UGT1A5: variants seen among roughly 807,000 people sequenced by gnomAD.
UGT1A5 encodes the protein UDP-glucuronosyltransferase 1A5.
Under a neutral mutation model 40.3 loss-of-function variants are expected in UGT1A5, and 29 were observed. The ratio of observed to expected loss-of-function variants is 0.72; its 90% confidence interval spans 0.54 to 0.98. UGT1A5 has a LOEUF of 0.98. Among genes scored for constraint, UGT1A5 ranks in the 50% least tolerant of loss-of-function variants. UGT1A5 has a pLI of 0.00. For synonymous variants in UGT1A5, 257 were observed against 262.5 expected (o/e 0.98, Z 0.20); for missense variants, 678 against 677.9 (o/e 1.00, Z 0.00).
intron 1 of UGT1A5, among the ~76,000 whole-genome samples, chr2:233,724,169 C>CA (rs1420710950): frequency 7.9e-6 from 1 of 127,094 alleles, no homozygotes; most frequent in Admixed American, 7.4e-5. Flanking sequence ...GGCTGACCCC[C>CA]CCATCTCCCT....
At chr2:233,771,766 C>A (rs1025155606) in intron 4 of UGT1A5, among the ~76,000 whole-genome samples, 2 of 151,968 alleles carry the variant, frequency 1.3e-5, no homozygotes, top group Admixed American at 6.6e-5. Context: ...CTTCCTCCGT[C>A]CCTCTCTCCT....
chr2:233,751,170 A>T (rs1445268336), intron 1 of UGT1A5, among the ~76,000 whole-genome samples: 1 of 151,986 alleles, frequency 6.6e-6, no homozygotes. Flanking sequence ...CATGACCTAG[A>T]TATGAGACAT....
Position 233,769,697 on chromosome 2 carries a change from A to G in UGT1A5, c.1307+1258A>G. 6.5e-7 allele frequency: 1 copy of G among 1,535,580 alleles called. No individual in the cohort carries two copies. Among genetic ancestry groups the G allele is most frequent in the South Asian group, 1.2e-5 (1 of 80,726 alleles). On this transcript the variant is annotated intron_variant, in intron 4 of 4. Coordinates refer to ENST00000373414, the MANE Select transcript of UGT1A5 (RefSeq NM_019078.2). This position sits in a 1 kb window ranked among gnomAD's most constrained non-coding sequence, Gnocchi z 4.4. ...TGTGTGTGTGGTGGCACTGGATAAAAGATCAATGTTGGCTAGGCACCATGG... is the reference window on the plus strand; with the variant it reads ...TGTGTGTGTGGTGGCACTGGATAAAGGATCAATGTTGGCTAGGCACCATGG...
chr2:233,772,962 G>T lies in UGT1A5; in HGVS notation c.*403G>T, dbSNP rs1038101651. On this transcript the variant is annotated 3_prime_UTR_variant, in exon 5 of 5. Coordinates refer to ENST00000373414, the MANE Select transcript of UGT1A5 (RefSeq NM_019078.2). ...TTGGCTTCTGCAGATGGTTGCAATT[G>T]ATCCTTAACCAATAATGGTCAGTCC... 6.4e-6 allele frequency: 2 copies of T among 313,106 alleles called. No homozygotes were observed. Among genetic ancestry groups the T allele is most frequent in the Middle Eastern group, 1.1e-3 (1 of 878 alleles). 19.4% of individuals were successfully genotyped at this position (313,106 alleles called of 1,614,324 possible). A position where few individuals can be genotyped will look rare whatever the true frequency, so the allele number is the denominator to read the frequency against.
chr2:233,723,506 G>T (rs2077088839), intron 1 of UGT1A5, among the ~76,000 whole-genome samples: 1 of 130,702 alleles, frequency 7.7e-6, no homozygotes, highest in Non-Finnish European at 1.6e-5. Context: ...CACTGCACCT[G>T]GTCAACAATC....
chr2:233,737,327 G>A (rs1317799063), intron 1 of UGT1A5, among the ~76,000 whole-genome samples: 4 of 152,258 alleles, frequency 2.6e-5, no homozygotes, highest in African/African-American at 4.8e-5. Flanking sequence ...TGCACTAGCA[G>A]TGAGCAAGGC....
At chr2:233,751,848 C>A (rs1317042286) in intron 1 of UGT1A5, among the ~76,000 whole-genome samples, 1 of 152,136 alleles carries the variant, frequency 6.6e-6, no homozygotes, top group African/African-American at 2.4e-5. Context: ...GTCATTTAAA[C>A]CTTTGTCTTT....
chr2:233,719,744 T>C, intron 1 of UGT1A5: 2 of 1,612,994 alleles, frequency 1.2e-6, no homozygotes, highest in South Asian at 1.1e-5. Context: ...TTTTAAAAAA[T>C]GTATTTACTT....
chr2:233,755,496 C>G (rs1460614171), intron 1 of UGT1A5: 1 of 187,824 alleles, frequency 5.3e-6, no homozygotes, highest in African/African-American at 2.4e-5. Context: ...TGTGATGCTC[C>G]AAGACCAGGC....
At chr2:233,721,607 A>C (rs1233448854) in intron 1 of UGT1A5, 2 of 179,574 alleles carry the variant, frequency 1.1e-5, no homozygotes, top group Non-Finnish European at 1.2e-5. Flanking sequence ...GTTTAGGAAC[A>C]ATTTGTTCCT....
intron 1 of UGT1A5, chr2:233,739,067 G>A (rs1690974167): frequency 6.6e-6 from 1 of 152,282 alleles, no homozygotes. Context: ...TTCAGAGGGT[G>A]CAAACCTCAA....
chr2:233,755,203 A>G, intron 1 of UGT1A5: 1 of 1,097,556 alleles, frequency 9.1e-7, no homozygotes, highest in Non-Finnish European at 1.3e-6. Flanking sequence ...AGCTTGCGGT[A>G]CGCCTTCTTG....
chr2:233,761,925 G>C (rs1697902891), intron 1 of UGT1A5, among the ~76,000 whole-genome samples: 1 of 152,224 alleles, frequency 6.6e-6, no homozygotes, highest in Admixed American at 6.5e-5. Flanking sequence ...GGCAGCCCAG[G>C]CACTTCCCAG....
At chr2:233,739,640 A>G (rs1691162430) in intron 1 of UGT1A5, among the ~76,000 whole-genome samples, 1 of 152,122 alleles carries the variant, frequency 6.6e-6, no homozygotes, top group African/African-American at 2.4e-5. Context: ...GGGAACATTT[A>G]CCCAATTTCT....
chr2:233,759,541 C>A (rs1020987350), intron 1 of UGT1A5, among the ~76,000 whole-genome samples: 1 of 152,092 alleles, frequency 6.6e-6, no homozygotes, highest in Non-Finnish European at 1.5e-5. Flanking sequence ...TGTTCACATG[C>A]GCTCCAGTGA....
chr2:233,725,392 C>A (rs1422562370), intron 1 of UGT1A5, among the ~76,000 whole-genome samples: 1 of 151,006 alleles, frequency 6.6e-6, no homozygotes, highest in African/African-American at 2.4e-5. Flanking sequence ...TAATAGGTTA[C>A]CTTGATGGTC....
intron 1 of UGT1A5, among the ~76,000 whole-genome samples, chr2:233,757,366 A>G (rs1696506551): frequency 6.6e-6 from 1 of 151,072 alleles, no homozygotes; most frequent in Admixed American, 6.6e-5. Flanking sequence ...AGTGGTAGAA[A>G]CATCCAGATT....
chr2:233,721,426 G>A (rs2076944499), intron 1 of UGT1A5: 1 of 156,732 alleles, frequency 6.4e-6, no homozygotes, highest in African/African-American at 2.4e-5. Flanking sequence ...CCTAAGCATT[G>A]TGGTTTTAAT....
intron 4 of UGT1A5, 43 bp from the exon 5 acceptor site, chr2:233,772,219 A>G (rs1474444531): frequency 6.2e-7 from 1 of 1,612,704 alleles, no homozygotes; most frequent in East Asian, 2.2e-5. Context: ...GATTGTTCAT[A>G]CCACAGGTGT....
Sources: gnomAD v4.1 joint callset for allele counts (sites outside exome capture counted in the v4.1 genomes callset) on GRCh38, gnomAD v4.1.1 for gene constraint, Gnocchi (gnomAD v3.1) non-coding constraint, MANE v1.5 for transcripts, NCBI Gene and HGNC (gene_info 2026-07-23, HGNC 2026-07-21) for gene names.